Variants in FNBP1 observed in about 807,000 individuals in gnomAD.
FNBP1 encodes the protein formin-binding protein 1.
Under a neutral mutation model 90.6 loss-of-function variants are expected in FNBP1, and 26 were observed. That is an observed-to-expected ratio of 0.29 (90% CI 0.21 to 0.40). The LOEUF (loss-of-function observed/expected upper bound fraction) is 0.40. FNBP1 is among the 10% of genes least tolerant of loss of function. The pLI, the probability that FNBP1 is intolerant of heterozygous loss-of-function variation, is 1.00. For synonymous variants in FNBP1, 260 were observed against 265.2 expected (o/e 0.98, Z 0.19); for missense variants, 635 against 768.0 (o/e 0.83, Z 2.05).
rs116842019 is a variant in FNBP1, at chr9:129,948,897, C to T, written c.513+8463G>A. ...ACATACCTCAAGGGGTTAAGAGTAA[C>T]TACCTCTGAGAAGAATGGCAAAGAA... On this transcript the variant is annotated intron_variant, in intron 6 of 16. Coordinates refer to ENST00000446176, the MANE Select transcript of FNBP1 (RefSeq NM_015033.3). 1.2e-4 allele frequency among the ~76,000 whole-genome samples: 18 copies of T among 152,000 alleles called. No individual in the cohort carries two copies. The East Asian group carries it at 3.5e-3, about 29-fold the overall frequency.
chr9:129,899,995 C>T lies in FNBP1; in HGVS notation c.1657G>A (p.Gly553Arg). 1 of 1,612,488 alleles carries T rather than the reference C, an allele frequency of 6.2e-7. No individual in the cohort carries two copies. Among genetic ancestry groups the T allele is most frequent in the Non-Finnish European group, 8.5e-7 (1 of 1,179,226 alleles). Reference protein sequence around the residue: ...FDDEEPLPAIGTCKALYTFEG... With the variant: ...FDDEEPLPAIRTCKALYTFEG... ...AATGTGTAGAGAGCTTTGCACGTCCCTATGGCAGGGAGGGGCTCCTCATCA... is the reference window on the plus strand; with the variant it reads ...AATGTGTAGAGAGCTTTGCACGTCCTTATGGCAGGGAGGGGCTCCTCATCA... The change falls in exon 15 of 17, where the codon GGG (glycine) becomes AGG (arginine). Residue 553 changes from glycine to arginine, a missense_variant. Transcript: ENST00000446176.
chr9:130,013,487 G>T (rs961219494), intron 1 of FNBP1, among the ~76,000 whole-genome samples: 2 of 152,136 alleles, frequency 1.3e-5, no homozygotes, highest in Non-Finnish European at 2.9e-5. Context: ...GTGGTGTAAT[G>T]GCAACATTCA....
chr9:130,052,925 G>C, the FNBP1 span, among the ~76,000 whole-genome samples: 2 of 151,848 alleles, frequency 1.3e-5, no homozygotes, highest in African/African-American at 4.8e-5. Context: ...GACCAGCCTG[G>C]CCAACATGGG....
rs1039831624 is a variant in FNBP1, at chr9:129,887,426, C to G, written c.*3113G>C. ...ATCAGGTTAAAATAGAATTCTGGAC[C>G]TTTTTAAAAAGTTTTTGGATGATAT... On this transcript the variant is annotated 3_prime_UTR_variant, in exon 17 of 17. Transcript: ENST00000446176. 5.0e-6 allele frequency: 1 copy of G among 199,864 alleles called. No homozygotes were observed. Among genetic ancestry groups the G allele is most frequent in the African/African-American group, 2.3e-5 (1 of 43,406 alleles). The allele number at this position is 199,864 out of a possible 1,614,324, so 12.4% of individuals were successfully genotyped here.
intron 4 of FNBP1, among the ~76,000 whole-genome samples, chr9:129,965,207 C>A (rs891465884): frequency 2.0e-5 from 3 of 152,144 alleles, no homozygotes; most frequent in African/African-American, 7.2e-5. Flanking sequence ...TGTCGTACCC[C>A]ACTTAAAACC....
At chr9:129,988,282 C>G (rs930799703) in intron 2 of FNBP1, among the ~76,000 whole-genome samples, 4 of 151,376 alleles carry the variant, frequency 2.6e-5, no homozygotes, top group Middle Eastern at 3.4e-3. Flanking sequence ...TTAGGTTGTT[C>G]AGACTCAGAA....
chr9:129,893,786 C>G (rs1294138593), intron 16 of FNBP1, among the ~76,000 whole-genome samples: 12 of 150,924 alleles, frequency 8.0e-5, no homozygotes, highest in Admixed American at 4.0e-4. Context: ...CATGGTGGCA[C>G]ACGCCTGTAG....
chr9:130,021,395 C>T (rs770389308), intron 1 of FNBP1, among the ~76,000 whole-genome samples: 15 of 152,118 alleles, frequency 9.9e-5, no homozygotes, highest in Non-Finnish European at 1.9e-4. Context: ...TAAAAGTTCG[C>T]CTTGAACACT....
At position 129,895,857 on chromosome 9, in the gene FNBP1, A is replaced by G; in HGVS notation, c.1827T>C (p.Cys609=). 6.2e-7 allele frequency: 1 copy of G among 1,609,332 alleles called. No individual in the cohort carries two copies. The highest frequency in any genetic ancestry group is 1.3e-5 in the African/African-American group (1 of 74,648). Residue 609 remains cysteine, a synonymous_variant, in exon 16 of 17, where the codon TGT becomes TGC. Transcript: ENST00000446176. ...TAGCACCTTTGGCATTTTTGTCCAA[A>G]CAGACTTCGACATATGAAGTGGGGA... The part of the protein sequence containing the change: ...GYVPTSYVEV[C]LDKNAKDS
intron 4 of FNBP1, among the ~76,000 whole-genome samples, chr9:129,965,694 A>ACGCGCGCG (rs765582659): frequency 1.6e-4 from 19 of 119,354 alleles, no homozygotes; most frequent in Admixed American, 2.7e-4. Context: ...ACACACACAC[A>ACGCGCGCG]CACGCGCGCG....
At chr9:130,000,472 C>G (rs1333670447) in intron 1 of FNBP1, among the ~76,000 whole-genome samples, 4 of 151,782 alleles carry the variant, frequency 2.6e-5, no homozygotes, top group Non-Finnish European at 5.9e-5. Flanking sequence ...GCACTCTAGC[C>G]TGGGTGATGG....
chr9:129,971,056 T>C (rs1278961211), intron 4 of FNBP1, among the ~76,000 whole-genome samples: 1 of 151,830 alleles, frequency 6.6e-6, no homozygotes, highest in Non-Finnish European at 1.5e-5. Flanking sequence ...CAGCTAATTT[T>C]TTTTTTTTCT....
chr9:129,895,777 G>C, intron 16 of FNBP1, 61 bp downstream of exon 16: 1 of 1,464,888 alleles, frequency 6.8e-7, no homozygotes, highest in Non-Finnish European at 9.0e-7. Flanking sequence ...GTTGTGGGGA[G>C]AAACAACTCC....
In FNBP1 at chr9:129,957,983, A is replaced by G. The variant is rs2047204363; in HGVS notation, c.408+508T>C. Among the ~76,000 whole-genome samples, 1 of 152,216 alleles carries G rather than the reference A, an allele frequency of 6.6e-6. No individual in the cohort carries two copies. Among genetic ancestry groups the G allele is most frequent in the South Asian group, 2.1e-4 (1 of 4,834 alleles). On this transcript the variant is annotated intron_variant, in intron 5 of 16. Coordinates refer to ENST00000446176, the MANE Select transcript of FNBP1 (RefSeq NM_015033.3). The surrounding 1 kb of genome is among the most constrained non-coding windows in gnomAD (Gnocchi z 4.3). ...CACGTGACTTTTAGAAAAATACTCA[A>G]CTTGAGCTCTTTTGGCTCAACTTTA...
chr9:130,004,818 C>A (rs946404335), intron 1 of FNBP1, among the ~76,000 whole-genome samples: 20 of 152,164 alleles, frequency 1.3e-4, no homozygotes, highest in Admixed American at 1.3e-3. Flanking sequence ...GTAATCCCAG[C>A]ACTTTGGGAG....
At chr9:129,973,896 C>T (rs958000840) in intron 4 of FNBP1, among the ~76,000 whole-genome samples, 6 of 151,826 alleles carry the variant, frequency 4.0e-5, no homozygotes, top group South Asian at 2.1e-4. Flanking sequence ...CTGCAACCTC[C>T]GCCTCCCAGG....
chr9:130,019,408 G>A (rs959632024), intron 1 of FNBP1, among the ~76,000 whole-genome samples: 13 of 151,916 alleles, frequency 8.6e-5, no homozygotes, highest in Non-Finnish European at 1.0e-4. Flanking sequence ...AGATTGCATA[G>A]GTTTCATAAA....
rs763842030 is a variant in FNBP1 at position 130,034,976 on chromosome 9, G to A, written c.24+7976C>T. Among the ~76,000 whole-genome samples the A allele has an allele frequency of 8.6e-5, 13 of 152,028 alleles. 1 individual carries two copies. Among genetic ancestry groups the A allele is most frequent in the Non-Finnish European group, 8.8e-5 (6 of 68,010 alleles). ...AGCCTGGGCAGCATAGAAAGACCCC[G>A]TCTCTACAAAAAAAATACAAAAATT... On this transcript the variant is annotated intron_variant, in intron 1 of 16. Transcript: ENST00000446176.
intron 1 of FNBP1, among the ~76,000 whole-genome samples, chr9:130,024,098 A>C (rs2131985285): frequency 6.6e-6 from 1 of 152,142 alleles, no homozygotes; most frequent in Non-Finnish European, 1.5e-5. Flanking sequence ...TACTACAAGC[A>C]AATATTATCT....
Sources: gnomAD v4.1 joint callset for allele counts (sites outside exome capture counted in the v4.1 genomes callset) on GRCh38, gnomAD v4.1.1 for gene constraint, Gnocchi (gnomAD v3.1) non-coding constraint, MANE v1.5 for transcripts, NCBI Gene and HGNC (gene_info 2026-07-23, HGNC 2026-07-21) for gene names.